PATL2: variants seen among roughly 807,000 people sequenced by gnomAD.
PATL2 encodes PAT1 homolog 2, also known as protein PAT1 homolog 2.
PATL2 carries 73 observed loss-of-function variants against 77.0 expected under a neutral mutation model. The ratio of observed to expected loss-of-function variants is 0.95; its 90% CI spans 0.78 to 1.15. PATL2 has a LOEUF of 1.15. Ranked by LOEUF, PATL2 falls within the 50% of genes most tolerant of loss-of-function variation. The pLI, the probability that PATL2 is intolerant of heterozygous loss-of-function variation, is 0.00. For synonymous variants in PATL2, 265 were observed against 257.1 expected (o/e 1.03, Z -0.29); for missense variants, 618 against 655.4 (o/e 0.94, Z 0.62).
At chr15:44,693,857 G>A (rs973564355) in intron 3 of PATL2, among the ~76,000 whole-genome samples, 2 of 151,870 alleles carry the variant, frequency 1.3e-5, no homozygotes, top group Non-Finnish European at 2.9e-5. Flanking sequence ...GTGCCACCAT[G>A]CCCGGGTAAT....
chr15:44,674,102 T>C (rs1342521397), intron 6 of PATL2, 48 bp downstream of exon 6: 2 of 1,483,626 alleles, frequency 1.3e-6, no homozygotes, highest in East Asian at 2.5e-5. Context: ...CTGAACATAA[T>C]AGATGGAATC....
intron 16 of PATL2, 54 bp from the exon 17 acceptor site, chr15:44,666,595 C>G (rs2085384299): frequency 1.4e-6 from 2 of 1,446,534 alleles, no homozygotes; most frequent in South Asian, 1.5e-5. Flanking sequence ...GAAACAGACT[C>G]AGGGCCAAGG....
intron 3 of PATL2, among the ~76,000 whole-genome samples, chr15:44,687,320 A>C (rs1310140725): frequency 6.6e-6 from 1 of 152,228 alleles, no homozygotes; most frequent in African/African-American, 2.4e-5. Context: ...TGATTATCTC[A>C]ATAGATGCAG....
At chr15:44,668,316 G>A in intron 15 of PATL2, 26 bp downstream of exon 15, 2 of 1,544,086 alleles carry the variant, frequency 1.3e-6, no homozygotes, top group Non-Finnish European at 1.7e-6. Context: ...AGCCATCTAT[G>A]GAAAAAAGCC....
At chr15:44,704,998 TG>T (rs367751685) in intron 3 of PATL2, among the ~76,000 whole-genome samples, 4 of 152,352 alleles carry the variant, frequency 2.6e-5, no homozygotes, top group African/African-American at 9.6e-5. Flanking sequence ...TTCTTGACCT[TG>T]GGAGTTTGTT....
intron 3 of PATL2, among the ~76,000 whole-genome samples, chr15:44,687,605 G>T (rs572737965): frequency 1.4e-4 from 21 of 151,428 alleles, no homozygotes; most frequent in African/African-American, 4.9e-4. Context: ...TAGGAAGAGA[G>T]GAAGTCAAAT....
intron 4 of PATL2, 57 bp downstream of exon 4, chr15:44,676,418 C>G: frequency 6.9e-7 from 1 of 1,441,952 alleles, no homozygotes; most frequent in Non-Finnish European, 9.6e-7. Context: ...TGAAACAGAC[C>G]AGCAACCTCT....
intron 3 of PATL2, among the ~76,000 whole-genome samples, chr15:44,679,016 A>G (rs1311457630): frequency 6.6e-6 from 1 of 152,136 alleles, no homozygotes; most frequent in Non-Finnish European, 1.5e-5. Flanking sequence ...GTATAAGTGT[A>G]TTTAAAAATC....
At chr15:44,668,923 G>C in intron 14 of PATL2, 57 bp downstream of exon 14, 3 of 1,450,886 alleles carry the variant, frequency 2.1e-6, no homozygotes, top group Admixed American at 2.6e-5. Flanking sequence ...TGGAGGGGAG[G>C]AATGACCCCT....
intron 3 of PATL2, among the ~76,000 whole-genome samples, chr15:44,706,904 G>A (rs1406581372): frequency 6.6e-6 from 1 of 152,166 alleles, no homozygotes; most frequent in Non-Finnish European, 1.5e-5. Context: ...GGCCTAGTCA[G>A]AAACCTTAGG....
intron 3 of PATL2, among the ~76,000 whole-genome samples, chr15:44,689,664 G>C (rs1353691045): frequency 6.6e-6 from 1 of 152,048 alleles, no homozygotes; most frequent in Non-Finnish European, 1.5e-5. Flanking sequence ...TGAACAATGA[G>C]AACACATGGA....
At chr15:44,672,905 G>T (rs139281351) in intron 7 of PATL2, among the ~76,000 whole-genome samples, 5 of 152,020 alleles carry the variant, frequency 3.3e-5, no homozygotes, top group African/African-American at 1.2e-4. Flanking sequence ...GATTACAGGC[G>T]CTCGCCACCA....
Position 44,669,430 on chromosome 15 carries a change from G to A in PATL2, c.931-17C>T. 1 of 1,547,752 alleles carries A rather than the reference G, an allele frequency of 6.5e-7. No individual in the cohort carries two copies. The highest frequency in any genetic ancestry group is 8.7e-7 in the Non-Finnish European group (1 of 1,144,048). On this transcript the variant is annotated splice_polypyrimidine_tract_variant and intron_variant, in intron 12 of 17. Transcript: ENST00000682850. ...AAGGAACATCTGGGAATTTGAGGGT[G>A]GAAAAAAGAGGTAAATTTGGGTAAT...
chr15:44,675,370 T>A, intron 5 of PATL2, 116 bp downstream of exon 5: 1 of 1,210,412 alleles, frequency 8.3e-7, no homozygotes, highest in African/African-American at 1.5e-5. Context: ...AAAGAAAGTG[T>A]TAATCCAGAA....
At position 44,672,118 on chromosome 15, in the gene PATL2, G is replaced by A. The variant is rs756111436; in HGVS notation, c.554C>T (p.Pro185Leu). ...AKKPWSQQPD[P>L]YANLMTRKEK... ...TTTTCTGGTCATGAGGTTAGCATAG[G>A]GGTCTGGCTGCTGAGACCAAGGCTT... The change falls in exon 9 of 18, where the codon CCC becomes CTC. Residue 185 changes from proline (P) to leucine (L), a missense_variant. By Grantham distance (98) the Pro-to-Leu change is moderately conservative. Coordinates refer to ENST00000682850, the MANE Select transcript of PATL2 (RefSeq NM_001387263.1). The A allele has an allele frequency of 2.1e-5, 32 of 1,551,552 alleles. No individual in the cohort carries two copies. Among genetic ancestry groups the A allele is most frequent in the African/African-American group, 4.1e-5 (3 of 73,020 alleles).
intron 3 of PATL2, among the ~76,000 whole-genome samples, chr15:44,703,152 C>T (rs1011334252): frequency 4.6e-5 from 7 of 151,942 alleles, no homozygotes; most frequent in African/African-American, 7.3e-5. Flanking sequence ...GGTGAGCACC[C>T]GTAGTCCCAG....
intron 3 of PATL2, among the ~76,000 whole-genome samples, chr15:44,706,448 T>C (rs1471661719): frequency 1.3e-5 from 2 of 152,182 alleles, no homozygotes; most frequent in Non-Finnish European, 2.9e-5. Flanking sequence ...TACCATGAGG[T>C]TTGCAGATAA....
In PATL2 at chr15:44,669,682, T is replaced by A; in HGVS notation, c.876+95A>T. The A allele has an allele frequency of 1.1e-5, 16 of 1,507,510 alleles. No individual in the cohort carries two copies. The South Asian group carries it at 2.0e-4, about 19-fold the overall frequency. 93.4% of individuals were successfully genotyped at this position (1,507,510 alleles called of 1,614,324 possible). On this transcript the variant is annotated intron_variant, in intron 11 of 17. Coordinates refer to ENST00000682850, the MANE Select transcript of PATL2 (RefSeq NM_001387263.1). ...TAGAAACAAAGTCTGATCACACTTCTTCCTCCTTCTTCGGTCACAGTCTTA... is the reference window on the plus strand; with the variant it reads ...TAGAAACAAAGTCTGATCACACTTCATCCTCCTTCTTCGGTCACAGTCTTA...
At chr15:44,690,734 GAA>G (rs2086372201) in intron 3 of PATL2, among the ~76,000 whole-genome samples, 1 of 152,060 alleles carries the variant, frequency 6.6e-6, no homozygotes, top group Admixed American at 6.6e-5. Context: ...TAAGAGTTCA[GAA>G]AAAGAGATAT....
Sources: gnomAD v4.1 joint callset for allele counts (sites outside exome capture counted in the v4.1 genomes callset) on GRCh38, gnomAD v4.1.1 for gene constraint, MANE v1.5 for transcripts, NCBI Gene and HGNC (gene_info 2026-07-23, HGNC 2026-07-21) for gene names.